The following NT5DC1 variants were observed in gnomAD, a reference collection of about 807,000 sequenced individuals.
The protein encoded by NT5DC1 is 5'-nucleotidase domain containing 1.
Under a neutral mutation model 59.4 loss-of-function variants are expected in NT5DC1, and 42 were observed. The ratio of observed to expected loss-of-function variants is 0.71; its 90% confidence interval spans 0.55 to 0.92. The LOEUF (loss-of-function observed/expected upper bound fraction) is 0.92, where lower values mean the gene tolerates loss of function less well. Among genes scored for constraint, NT5DC1 ranks in the 40% least tolerant of loss-of-function variants. The pLI is 0.00. For missense variants in NT5DC1, 501 were observed against 537.1 expected (o/e 0.93, Z 0.66); for synonymous variants, 172 against 188.1 (o/e 0.91, Z 0.70).
At chr6:116,138,376 G>A (rs1046767258) in intron 6 of NT5DC1, among the ~76,000 whole-genome samples, 1 of 152,188 alleles carries the variant, frequency 6.6e-6, no homozygotes, top group African/African-American at 2.4e-5. Flanking sequence ...GAACTACTGT[G>A]TTGGCTATTC....
intron 8 of NT5DC1, among the ~76,000 whole-genome samples, chr6:116,229,478 G>A (rs1781971413): frequency 6.6e-6 from 1 of 152,184 alleles, no homozygotes; most frequent in African/African-American, 2.4e-5. Context: ...GGGCAAAGAT[G>A]CTGATGCCAG....
At chr6:116,155,071 T>C (rs995690296) in intron 6 of NT5DC1, among the ~76,000 whole-genome samples, 23 of 152,172 alleles carry the variant, frequency 1.5e-4, no homozygotes, top group African/African-American at 5.3e-4. Flanking sequence ...ACTTTAATAT[T>C]AGGCTGGTGC....
At chr6:116,205,499 T>C (rs193071981) in intron 6 of NT5DC1, among the ~76,000 whole-genome samples, 16 of 151,948 alleles carry the variant, frequency 1.1e-4, no homozygotes, top group Admixed American at 6.6e-4. Flanking sequence ...CAGCAGCTTC[T>C]CCCTCTGGAG....
chr6:116,160,934 A>G (rs1297509661), intron 6 of NT5DC1, among the ~76,000 whole-genome samples: 1 of 152,004 alleles, frequency 6.6e-6, no homozygotes, highest in Non-Finnish European at 1.5e-5. Flanking sequence ...AAGACTTGGA[A>G]CCAACCCAGA....
At position 116,245,845 on chromosome 6, in the gene NT5DC1, G is replaced by T. The variant is rs557275153; in HGVS notation, c.*1821G>T. ...TTCAGGAGGCAGAATTCAGTTGTCAGAAGTTCTAGTATTCCCTTTATCATT... is the reference window on the plus strand; with the variant it reads ...TTCAGGAGGCAGAATTCAGTTGTCATAAGTTCTAGTATTCCCTTTATCATT... On this transcript the variant is annotated 3_prime_UTR_variant, in exon 12 of 12. Coordinates refer to ENST00000319550, the MANE Select transcript of NT5DC1 (RefSeq NM_152729.3). 1.3e-5 allele frequency: 2 copies of T among 152,120 alleles called. No individual in the cohort carries two copies. Among genetic ancestry groups the T allele is most frequent in the African/African-American group, 4.8e-5 (2 of 41,504 alleles). 9.4% of individuals were successfully genotyped at this position (152,120 alleles called of 1,614,324 possible).
At chr6:116,101,532 G>T (rs1455778148) in intron 1 of NT5DC1, among the ~76,000 whole-genome samples, 3 of 152,188 alleles carry the variant, frequency 2.0e-5, no homozygotes, top group African/African-American at 7.2e-5. Context: ...GTAGTATATA[G>T]TGTAGTGTAT....
intron 6 of NT5DC1, among the ~76,000 whole-genome samples, chr6:116,215,605 C>T (rs954938613): frequency 1.3e-5 from 2 of 152,116 alleles, no homozygotes; most frequent in Non-Finnish European, 2.9e-5. Flanking sequence ...TTGAATAAAA[C>T]CAGGCAGACC....
At chr6:116,197,101 ACC>A (rs1485250377) in intron 6 of NT5DC1, among the ~76,000 whole-genome samples, 3 of 151,042 alleles carry the variant, frequency 2.0e-5, no homozygotes, top group Admixed American at 1.3e-4. Flanking sequence ...TCTCCTGTCC[ACC>A]CCCACCTCCT....
At chr6:116,104,161 G>A (rs1455337989) in intron 1 of NT5DC1, among the ~76,000 whole-genome samples, 1 of 152,160 alleles carries the variant, frequency 6.6e-6, no homozygotes, top group Non-Finnish European at 1.5e-5. Flanking sequence ...AGGACAAACT[G>A]CAAGAAGCCT....
At position 116,120,921 on chromosome 6, in the gene NT5DC1, G is replaced by A; in HGVS notation, c.529+2976G>A. On this transcript the variant is annotated intron_variant, in intron 6 of 11. Coordinates refer to ENST00000319550, the MANE Select transcript of NT5DC1 (RefSeq NM_152729.3). ...CCTGGTAACCCTGGGTTACCCTTAG[G>A]ACCATCGAGACCTGGTTTTCCTGGG... 6.2e-7 allele frequency: 1 copy of A among 1,613,910 alleles called. No individual in the cohort carries two copies. Among genetic ancestry groups the A allele is most frequent in the South Asian group, 1.1e-5 (1 of 91,066 alleles).
At chr6:116,216,183 T>C (rs890915147) in intron 6 of NT5DC1, among the ~76,000 whole-genome samples, 1 of 152,124 alleles carries the variant, frequency 6.6e-6, no homozygotes, top group Admixed American at 6.6e-5. Flanking sequence ...TATTTGTTGA[T>C]TACCTAACAT....
intron 6 of NT5DC1, among the ~76,000 whole-genome samples, chr6:116,193,679 T>C (rs1027497891): frequency 1.3e-5 from 2 of 152,098 alleles, no homozygotes; most frequent in Admixed American, 6.6e-5. Flanking sequence ...AAGAGTATTT[T>C]CAAAGCGTGC....
At chr6:116,183,181 TGTAA>T (rs1266335123) in intron 6 of NT5DC1, among the ~76,000 whole-genome samples, 2 of 152,150 alleles carry the variant, frequency 1.3e-5, no homozygotes, top group African/African-American at 4.8e-5. Context: ...ATCAGTAGGC[TGTAA>T]GTATTTGGCT....
intron 6 of NT5DC1, among the ~76,000 whole-genome samples, chr6:116,147,113 A>G (rs575263395): frequency 7.2e-5 from 11 of 152,028 alleles, no homozygotes; most frequent in African/African-American, 2.7e-4. Flanking sequence ...AAAAAACTGC[A>G]TATAAAGAAA....
At chr6:116,121,104 C>A (rs747632782) in intron 6 of NT5DC1, 2 of 1,613,728 alleles carry the variant, frequency 1.2e-6, no homozygotes, top group Admixed American at 1.7e-5. Flanking sequence ...CCAGGGGGTC[C>A]AGTCAGACCT....
chr6:116,139,972 G>A (rs921335457), intron 6 of NT5DC1, among the ~76,000 whole-genome samples: 5 of 152,054 alleles, frequency 3.3e-5, no homozygotes, highest in Non-Finnish European at 5.9e-5. Context: ...CATGTGTCAG[G>A]TGTTTTGCTT....
chr6:116,110,467 C>T (rs1387299953), intron 3 of NT5DC1, among the ~76,000 whole-genome samples: 1 of 152,160 alleles, frequency 6.6e-6, no homozygotes, highest in East Asian at 1.9e-4. Flanking sequence ...GACTCTGGTA[C>T]CTACTGCTCT....
At chr6:116,163,141 A>ATATATAT (rs1554197064) in intron 6 of NT5DC1, among the ~76,000 whole-genome samples, 1,130 of 88,258 alleles carry the variant, frequency 0.013, 43 homozygotes, top group African/African-American at 0.057. Flanking sequence ...AAAAAAAAAA[A>ATATATAT]ATATATATAT....
At position 116,163,137 on chromosome 6, in the gene NT5DC1, A is replaced by ATATATATAT. The variant is rs1554197055; in HGVS notation, c.529+45192_529+45193insTATATATAT. ...GCGAGACTCCGTCTCAAAAAAAAAA[A>ATATATATAT]AAAAATATATATATATATATATATA... On this transcript the variant is annotated intron_variant, in intron 6 of 11. Coordinates refer to ENST00000319550, the MANE Select transcript of NT5DC1 (RefSeq NM_152729.3). Among the ~76,000 whole-genome samples the ATATATATAT allele has an allele frequency of 8.7e-4, 92 of 105,356 alleles. 1 individual carries two copies. Among genetic ancestry groups the ATATATATAT allele is most frequent in the Middle Eastern group, 4.9e-3 (1 of 206 alleles). The allele number at this position is 105,356 out of a possible 152,430, so 69.1% of individuals were successfully genotyped here. A position where few individuals can be genotyped will look rare whatever the true frequency, so the allele number is the denominator to read the frequency against.
Sources: allele counts gnomAD v4.1 joint callset (sites outside exome capture counted in the v4.1 genomes callset), GRCh38; gene constraint gnomAD v4.1.1; transcripts MANE v1.5; gene names NCBI Gene and HGNC (gene_info 2026-07-23, HGNC 2026-07-21).